Variants in PNPLA7 observed in about 807,000 individuals in gnomAD.
PNPLA7 encodes patatin-like phospholipase domain-containing protein 7.
PNPLA7 carries 153 observed loss-of-function variants against 161.7 expected under a neutral mutation model. The observed-to-expected ratio is 0.95, with a 90% CI of 0.83 to 1.08. The LOEUF is 1.08. PNPLA7 is among the 50% of genes least tolerant of loss of function. The probability of loss-of-function intolerance (pLI) is 0.00; values close to 1 mark genes in which losing one functional copy is unlikely to be tolerated. For synonymous variants in PNPLA7, 809 were observed against 782.1 expected (o/e 1.03, Z -0.57); for missense variants, 1,739 against 1,856.6 (o/e 0.94, Z 1.16).
intron 22 of PNPLA7, 91 bp downstream of exon 22, chr9:137,480,869 G>A (rs1832184433): frequency 7.5e-7 from 1 of 1,338,728 alleles, no homozygotes; most frequent in Non-Finnish European, 1.0e-6. Flanking sequence ...GCACGCTGCA[G>A]TGCAGATGCT....
intron 18 of PNPLA7, among the ~76,000 whole-genome samples, chr9:137,495,629 A>G (rs1833014235): frequency 2.0e-5 from 3 of 152,106 alleles, no homozygotes; most frequent in Admixed American, 2.0e-4. Flanking sequence ...TATTTTTAGT[A>G]GAGACGGGGT....
In PNPLA7 at chr9:137,540,063, T is replaced by C. The variant is rs1378320440; in HGVS notation, c.747+579A>G. On this transcript the variant is annotated intron_variant, in intron 8 of 34. Coordinates refer to ENST00000406427, the MANE Select transcript of PNPLA7 (RefSeq NM_001098537.3). This position sits in a 1 kb window ranked among gnomAD's most constrained non-coding sequence, Gnocchi z 5.1. ...CCTCGCAAAGTGCTGGGATTACAGG[T>C]GTGAGCCACTGCGCCCGGCCCGGCA... 6.6e-6 allele frequency among the ~76,000 whole-genome samples: 1 copy of C among 152,136 alleles called. No homozygotes were observed.
intron 24 of PNPLA7, 48 bp from the exon 25 acceptor site, chr9:137,478,200 G>T: frequency 8.1e-7 from 1 of 1,235,580 alleles, no homozygotes; most frequent in Non-Finnish European, 1.0e-6. Context: ...CCCACCCTCG[G>T]CCGAGACCTC....
chr9:137,489,787 A>T (rs1832679259), intron 20 of PNPLA7, among the ~76,000 whole-genome samples: 1 of 152,222 alleles, frequency 6.6e-6, no homozygotes, highest in African/African-American at 2.4e-5. Context: ...ATAGATCAAA[A>T]GAAACAATTC....
In PNPLA7 at chr9:137,547,394, C is replaced by T; in HGVS notation, c.108G>A (p.Leu36=). 1 of 1,613,458 alleles carries T rather than the reference C, an allele frequency of 6.2e-7. No homozygotes were observed. The highest frequency in any genetic ancestry group is 1.1e-5 in the South Asian group (1 of 91,082). ...GGAGGGCTCCAACTGCAATCCCCGT[C>T]AGCTGGCCGAGAGTGGAAACACGGC... is the stretch of plus-strand genomic sequence containing the variant. The part of the protein sequence containing the change: ...FTEEGSPSTM[L]TGIAVGALLA... Residue 36 remains leucine, a splice_region_variant and synonymous_variant, in exon 3 of 35, where the codon CTG becomes CTA. Coordinates refer to ENST00000406427, the MANE Select transcript of PNPLA7 (RefSeq NM_001098537.3). This position sits in a 1 kb window ranked among gnomAD's most constrained non-coding sequence, Gnocchi z 4.6.
chr9:137,461,654 G>C, intron 32 of PNPLA7, 34 bp from the exon 33 acceptor site: 10 of 1,525,472 alleles, frequency 6.6e-6, no homozygotes, highest in Non-Finnish European at 8.9e-6. Flanking sequence ...CGTTGCCTGT[G>C]GACACCCGCC....
chr9:137,508,435 T>C (rs1040228225), intron 12 of PNPLA7, among the ~76,000 whole-genome samples: 1 of 151,694 alleles, frequency 6.6e-6, no homozygotes, highest in Non-Finnish European at 1.5e-5. Context: ...GGCATGGTGG[T>C]GGGCGCCTGT....
chr9:137,512,688 C>G (rs548812388), intron 12 of PNPLA7, among the ~76,000 whole-genome samples: 202 of 152,222 alleles, frequency 1.3e-3, no homozygotes, highest in African/African-American at 4.7e-3. Flanking sequence ...TGCCTGTTTC[C>G]CAACAGTTTG....
At chr9:137,480,095 A>T (rs1441789186) in intron 23 of PNPLA7, among the ~76,000 whole-genome samples, 2 of 152,370 alleles carry the variant, frequency 1.3e-5, no homozygotes, top group Admixed American at 6.5e-5. Context: ...GCGGCTTCAC[A>T]AGAGGCCACG....
rs117255940 is a variant in PNPLA7, at chr9:137,512,044, A to G, written c.1225+3335T>C. On this transcript the variant is annotated intron_variant, in intron 12 of 34. Transcript: ENST00000406427. ...TCAGGGCCACTACCGGACTCTGCGC[A>G]CTGGTGGTAGTGGCCTCTGGGCCCA... Among the ~76,000 whole-genome samples the G allele has an allele frequency of 4.9e-3, 747 of 152,248 alleles. 20 individuals carry two copies. Among genetic ancestry groups the G allele is most frequent in the East Asian group, 0.038 (198 of 5,168 alleles).
chr9:137,525,920 GCTCACACTT>G (rs527301295), intron 8 of PNPLA7, among the ~76,000 whole-genome samples: 568 of 150,316 alleles, frequency 3.8e-3, no homozygotes, highest in Non-Finnish European at 6.0e-3. Flanking sequence ...ATAACAGAAG[GCTCACACTT>G]GTCTTTGGTC....
intron 21 of PNPLA7, among the ~76,000 whole-genome samples, chr9:137,483,808 A>G (rs144767983): frequency 2.6e-5 from 4 of 152,260 alleles, no homozygotes; most frequent in Middle Eastern, 3.4e-3. Context: ...TCTATATTAT[A>G]AATTTTTTGA....
At position 137,463,404 on chromosome 9, in the gene PNPLA7, C is replaced by A. The variant is rs774066163; in HGVS notation, c.3343+11G>T. The A allele has an allele frequency of 1.3e-6, 2 of 1,596,046 alleles. No homozygotes were observed. The highest frequency in any genetic ancestry group is 8.5e-7 in the Non-Finnish European group (1 of 1,170,326). On this transcript the variant is annotated intron_variant, in intron 29 of 34. Coordinates refer to ENST00000406427, the MANE Select transcript of PNPLA7 (RefSeq NM_001098537.3). Reference sequence around the variant, plus strand: ...GTGCTCCTGCCGGGCGTGGTCCCCCCACCGCAGTACCTGGGAGGTTGTTGA... The same window carrying A: ...GTGCTCCTGCCGGGCGTGGTCCCCCAACCGCAGTACCTGGGAGGTTGTTGA...
Position 137,521,724 on chromosome 9 carries a change from A to G in PNPLA7, c.877-8T>C. On this transcript the variant is annotated splice_region_variant and splice_polypyrimidine_tract_variant and intron_variant, in intron 9 of 34. Coordinates refer to ENST00000406427, the MANE Select transcript of PNPLA7 (RefSeq NM_001098537.3). ...CAGCCGCACCATGATGATCTGCAAG[A>G]ACACGCCAGCTGCGCGGTGACCACC... The G allele has an allele frequency of 6.2e-7, 1 of 1,608,850 alleles. No individual in the cohort carries two copies. Among genetic ancestry groups the G allele is most frequent in the South Asian group, 1.1e-5 (1 of 90,956 alleles).
chr9:137,507,519 A>G (rs963302086), intron 12 of PNPLA7, among the ~76,000 whole-genome samples: 4 of 152,110 alleles, frequency 2.6e-5, no homozygotes, highest in African/African-American at 9.7e-5. Context: ...AAAATACAAA[A>G]TTAGCCGGGC....
rs1832499783 is a variant in PNPLA7 at position 137,486,655 on chromosome 9, T to A, written c.2198-1919A>T. 6.6e-6 allele frequency among the ~76,000 whole-genome samples: 1 copy of A among 151,738 alleles called. No individual in the cohort carries two copies. Reference sequence around the variant, plus strand: ...TCCTACCCGACCCACCAAAGCTCAGTCCCCGCCCTCAGTCCAACTCAGCAC... The same window carrying A: ...TCCTACCCGACCCACCAAAGCTCAGACCCCGCCCTCAGTCCAACTCAGCAC... On this transcript the variant is annotated intron_variant, in intron 20 of 34. Transcript: ENST00000406427. This position sits in a 1 kb window ranked among gnomAD's most constrained non-coding sequence, Gnocchi z 6.0.
At position 137,505,674 on chromosome 9, in the gene PNPLA7, C is replaced by T; in HGVS notation, c.1413G>A (p.Arg471=). Residue 471 remains arginine (R), a synonymous_variant, in exon 14 of 35, where the codon AGG becomes AGA. Coordinates refer to ENST00000406427, the MANE Select transcript of PNPLA7 (RefSeq NM_001098537.3). The part of the protein sequence containing the change: ...ESHTDETLAS[R]KSDAIFRAAK... ...CAGCTCTGAAGATGGCATCCGACTT[C>T]CTGCTGGCCAGGGTCTCATCCGTGT... is the stretch of plus-strand genomic sequence containing the variant. 1 of 1,614,146 alleles carries T rather than the reference C, an allele frequency of 6.2e-7. No homozygotes were observed. The highest frequency in any genetic ancestry group is 8.5e-7 in the Non-Finnish European group (1 of 1,180,048).
intron 12 of PNPLA7, among the ~76,000 whole-genome samples, chr9:137,514,767 G>A (rs1370419264): frequency 1.4e-5 from 2 of 145,044 alleles, no homozygotes; most frequent in African/African-American, 5.3e-5. Context: ...CCCGGGCCCT[G>A]TGGCCGGGCT....
chr9:137,536,458 G>A (rs1012794947), intron 8 of PNPLA7, among the ~76,000 whole-genome samples: 10 of 152,064 alleles, frequency 6.6e-5, no homozygotes, highest in Non-Finnish European at 1.3e-4. Context: ...AAGCATTCAC[G>A]GAGCCGCTGG....
Sources: allele counts gnomAD v4.1 joint callset (sites outside exome capture counted in the v4.1 genomes callset), GRCh38; gene constraint gnomAD v4.1.1; non-coding constraint Gnocchi (gnomAD v3.1); transcripts MANE v1.5; gene names NCBI Gene and HGNC (gene_info 2026-07-23, HGNC 2026-07-21).